UNC5D: variants seen among roughly 807,000 people sequenced by gnomAD.
UNC5D encodes unc-5 netrin receptor D, also known as netrin receptor UNC5D.
UNC5D carries 39 observed loss-of-function variants against 105.4 expected under a neutral mutation model. That is an observed-to-expected ratio of 0.37 (90% CI 0.29 to 0.48). UNC5D has a LOEUF of 0.48. Among genes scored for constraint, UNC5D ranks in the 20% least tolerant of loss-of-function variants. The pLI, the probability that UNC5D is intolerant of heterozygous loss-of-function variation, is 0.98. For missense variants in UNC5D, 991 were observed against 1,202.4 expected (o/e 0.82, Z 2.60); for synonymous variants, 452 against 450.4 (o/e 1.00, Z -0.04).
At chr8:35,646,126 G>A (rs1823032481) in intron 4 of UNC5D, among the ~76,000 whole-genome samples, 1 of 152,096 alleles carries the variant, frequency 6.6e-6, no homozygotes, top group African/African-American at 2.4e-5. Flanking sequence ...ATGCAATTTA[G>A]TAGATTTAAC....
intron 4 of UNC5D, among the ~76,000 whole-genome samples, chr8:35,659,314 T>C (rs987487054): frequency 6.6e-6 from 1 of 152,152 alleles, no homozygotes; most frequent in African/African-American, 2.4e-5. Context: ...GTTTAGACAA[T>C]ATAGAAAGTA....
chr8:35,476,601 C>G (rs1014749708), intron 1 of UNC5D, among the ~76,000 whole-genome samples: 5 of 152,152 alleles, frequency 3.3e-5, no homozygotes, highest in Non-Finnish European at 7.3e-5. Context: ...GTTCTCACCA[C>G]TGCCAATGAC....
chr8:35,769,264 AACT>A (rs1370052376), intron 15 of UNC5D, among the ~76,000 whole-genome samples: 1 of 152,126 alleles, frequency 6.6e-6, no homozygotes. Context: ...CACAGTACCC[AACT>A]CAGAGACCTG....
At chr8:35,252,019 C>CT (rs1177014089) in intron 1 of UNC5D, among the ~76,000 whole-genome samples, 2,191 of 117,236 alleles carry the variant, frequency 0.019, 63 homozygotes, top group East Asian at 0.043. Context: ...ACCAATGGTT[C>CT]TTTTTTTTTT....
chr8:35,589,807 C>G (rs767988207), intron 3 of UNC5D, among the ~76,000 whole-genome samples: 3 of 152,076 alleles, frequency 2.0e-5, no homozygotes, highest in Non-Finnish European at 4.4e-5. Flanking sequence ...TAAGATTCAT[C>G]TATGTTGTAA....
At chr8:35,318,186 G>A (rs1809448026) in intron 1 of UNC5D, among the ~76,000 whole-genome samples, 1 of 151,686 alleles carries the variant, frequency 6.6e-6, no homozygotes, top group South Asian at 2.1e-4. Flanking sequence ...ACTCTCCCTA[G>A]GTTGGACTTC....
chr8:35,689,345 G>T (rs1826236507), intron 7 of UNC5D, among the ~76,000 whole-genome samples: 1 of 152,184 alleles, frequency 6.6e-6, no homozygotes. Flanking sequence ...AAGGCTGAAA[G>T]AACTTAATCA....
rs575997624 is a variant in UNC5D at position 35,307,412 on chromosome 8, G to A, written c.103+71525G>A. 2.0e-5 allele frequency among the ~76,000 whole-genome samples: 3 copies of A among 152,270 alleles called. No individual in the cohort carries two copies. In the South Asian group the frequency reaches 6.2e-4, roughly 32 times the overall value. ...TTGTACTTTGTTGAGGGGCCTAGGT[G>A]AGGAGGCATTATTAGTCTAAGCAGC... On this transcript the variant is annotated intron_variant, in intron 1 of 16. Transcript: ENST00000404895.
In UNC5D at chr8:35,647,383, T is replaced by C. The variant is rs373950686; in HGVS notation, c.571-36164T>C. On this transcript the variant is annotated intron_variant, in intron 4 of 16. Coordinates refer to ENST00000404895, the MANE Select transcript of UNC5D (RefSeq NM_080872.4). Reference sequence around the variant, plus strand: ...TAAAAATCCTGATTTGGAGCTCCTGTGTATTTGTGTGTGTGTGTGTGTGTG... The same window carrying C: ...TAAAAATCCTGATTTGGAGCTCCTGCGTATTTGTGTGTGTGTGTGTGTGTG... Among the ~76,000 whole-genome samples, 899 of 105,512 alleles carry C rather than the reference T, an allele frequency of 8.5e-3. 11 individuals carry two copies. The highest frequency in any genetic ancestry group is 0.029 in the African/African-American group (818 of 27,970). The allele number at this position is 105,512 out of a possible 152,430, so 69.2% of individuals were successfully genotyped here.
intron 1 of UNC5D, among the ~76,000 whole-genome samples, chr8:35,351,453 T>C (rs1812230828): frequency 1.3e-5 from 2 of 152,078 alleles, no homozygotes; most frequent in African/African-American, 4.8e-5. Flanking sequence ...AACAATGCAG[T>C]TTAAATAATT....
chr8:35,337,078 TGATTTAGAAATCTTG>T (rs1213820581), intron 1 of UNC5D, among the ~76,000 whole-genome samples: 7 of 152,218 alleles, frequency 4.6e-5, no homozygotes, highest in African/African-American at 1.7e-4. Flanking sequence ...AGGAGACTAA[TGATTTAGAAATCTTG>T]CAGTGGTTAT....
chr8:35,593,621 G>C (rs1819312861), intron 3 of UNC5D, among the ~76,000 whole-genome samples: 1 of 152,090 alleles, frequency 6.6e-6, no homozygotes, highest in Non-Finnish European at 1.5e-5. Context: ...AAGTAGCCAT[G>C]TGTGATGTCA....
intron 12 of UNC5D, among the ~76,000 whole-genome samples, chr8:35,749,427 G>A (rs1020308041): frequency 6.6e-6 from 1 of 152,114 alleles, no homozygotes; most frequent in Non-Finnish European, 1.5e-5. Flanking sequence ...AATTATCTTT[G>A]TTGGAACACA....
At chr8:35,286,090 G>C (rs1044163711) in intron 1 of UNC5D, among the ~76,000 whole-genome samples, 1 of 152,170 alleles carries the variant, frequency 6.6e-6, no homozygotes, top group African/African-American at 2.4e-5. Context: ...GTAGCCTTCT[G>C]TCAAATCAGT....
intron 1 of UNC5D, among the ~76,000 whole-genome samples, chr8:35,424,793 CA>C (rs1422130786): frequency 6.6e-6 from 1 of 152,222 alleles, no homozygotes; most frequent in East Asian, 1.9e-4. Flanking sequence ...TTCTCCAATT[CA>C]AGCTGCTCTG....
At chr8:35,336,854 T>G (rs1811086544) in intron 1 of UNC5D, among the ~76,000 whole-genome samples, 1 of 152,116 alleles carries the variant, frequency 6.6e-6, no homozygotes, top group Non-Finnish European at 1.5e-5. Flanking sequence ...CAGCACCTTC[T>G]TATATGAAAT....
chr8:35,564,953 G>A (rs917625539), intron 2 of UNC5D, among the ~76,000 whole-genome samples: 1 of 152,190 alleles, frequency 6.6e-6, no homozygotes, highest in African/African-American at 2.4e-5. Flanking sequence ...GCTGAGTGGC[G>A]CTCCATGATA....
rs117547626 is a variant in UNC5D at position 35,397,976 on chromosome 8, C to T, written c.104-151316C>T. On this transcript the variant is annotated intron_variant, in intron 1 of 16. Transcript: ENST00000404895. Reference sequence around the variant, plus strand: ...CTGTCTAGAACCATTCTTTTTGTTACTTTGCATCTATGCTGGTCTTCTGTC... The same window carrying T: ...CTGTCTAGAACCATTCTTTTTGTTATTTTGCATCTATGCTGGTCTTCTGTC... Among the ~76,000 whole-genome samples, 340 of 152,300 alleles carry T rather than the reference C, an allele frequency of 2.2e-3. 2 individuals are homozygous for T. The highest frequency in any genetic ancestry group is 5.4e-3 in the Admixed American group (83 of 15,284).
At chr8:35,248,861 T>G (rs1369710689) in intron 1 of UNC5D, among the ~76,000 whole-genome samples, 16 of 95,050 alleles carry the variant, frequency 1.7e-4, no homozygotes, top group African/African-American at 5.6e-4. Flanking sequence ...TATAATTCTA[T>G]AATAATATAA....
Sources: allele counts gnomAD v4.1 joint callset (sites outside exome capture counted in the v4.1 genomes callset), GRCh38; gene constraint gnomAD v4.1.1; transcripts MANE v1.5; gene names NCBI Gene and HGNC (gene_info 2026-07-23, HGNC 2026-07-21).